AUTS2: variants seen among roughly 807,000 people sequenced by gnomAD.
The protein encoded by AUTS2 is activator of transcription and developmental regulator AUTS2.
Under a neutral mutation model 112.4 loss-of-function variants are expected in AUTS2, and 17 were observed. The observed-to-expected ratio is 0.15, with a 90% CI of 0.10 to 0.23. The LOEUF is 0.23. Ranked by LOEUF, AUTS2 falls within the 10% of genes least tolerant of loss-of-function variation. AUTS2 has a pLI of 1.00. For missense variants in AUTS2, 1,510 were observed against 1,701.6 expected (o/e 0.89, Z 1.98); for synonymous variants, 751 against 702.7 (o/e 1.07, Z -1.09).
At chr7:70,467,498 CAG>C (rs1174231624) in intron 5 of AUTS2, among the ~76,000 whole-genome samples, 2 of 152,188 alleles carry the variant, frequency 1.3e-5, no homozygotes, top group East Asian at 3.9e-4. Context: ...GGGAGAGAAA[CAG>C]ATGCCATATT....
intron 5 of AUTS2, among the ~76,000 whole-genome samples, chr7:70,676,309 G>T (rs577115309): frequency 6.6e-6 from 1 of 151,886 alleles, no homozygotes; most frequent in South Asian, 2.1e-4. Context: ...GTGCGTACCT[G>T]TAGCCCCAAC....
At chr7:69,998,878 G>A (rs938259511) in intron 2 of AUTS2, among the ~76,000 whole-genome samples, 1 of 152,114 alleles carries the variant, frequency 6.6e-6, no homozygotes. Context: ...ATGACGTTAA[G>A]CAAATGGTTG....
chr7:69,817,285 A>G (rs770160666), intron 1 of AUTS2, among the ~76,000 whole-genome samples: 6 of 152,240 alleles, frequency 3.9e-5, no homozygotes, highest in Non-Finnish European at 2.9e-5. Context: ...TTCGATTGCC[A>G]AGAACTCGGC....
At chr7:69,684,720 G>A (rs1796983751) in intron 1 of AUTS2, among the ~76,000 whole-genome samples, 1 of 152,200 alleles carries the variant, frequency 6.6e-6, no homozygotes, top group Middle Eastern at 3.2e-3. Flanking sequence ...TTAGCTTACT[G>A]TGGAATATGT....
At chr7:70,208,105 T>C (rs939562726) in intron 4 of AUTS2, among the ~76,000 whole-genome samples, 1 of 151,940 alleles carries the variant, frequency 6.6e-6, no homozygotes, top group Non-Finnish European at 1.5e-5. Flanking sequence ...ATCTGCTTTC[T>C]ACACATCTTT....
At chr7:69,865,776 A>G (rs1401428989) in intron 1 of AUTS2, among the ~76,000 whole-genome samples, 1 of 152,180 alleles carries the variant, frequency 6.6e-6, no homozygotes, top group Non-Finnish European at 1.5e-5. Context: ...TTATACAAAA[A>G]AGCCAGTAAT....
chr7:69,878,010 A>G (rs938247040), intron 1 of AUTS2, among the ~76,000 whole-genome samples: 15 of 152,302 alleles, frequency 9.8e-5, no homozygotes, highest in African/African-American at 3.6e-4. Context: ...AGAAGTGGCC[A>G]TGCCATAGAT....
At chr7:70,580,515 AAC>A (rs951139663) in intron 5 of AUTS2, among the ~76,000 whole-genome samples, 36 of 152,210 alleles carry the variant, frequency 2.4e-4, no homozygotes, top group African/African-American at 8.2e-4. Flanking sequence ...CCTGTGGAAA[AAC>A]AGTTCCGAAT....
At chr7:69,653,877 T>C (rs572594135) in intron 1 of AUTS2, among the ~76,000 whole-genome samples, 1 of 152,202 alleles carries the variant, frequency 6.6e-6, no homozygotes, top group East Asian at 1.9e-4. Flanking sequence ...TTGTTTCCAC[T>C]CTATGAAGAG....
chr7:70,102,596 T>A (rs1006169003), intron 2 of AUTS2, among the ~76,000 whole-genome samples: 2 of 152,102 alleles, frequency 1.3e-5, no homozygotes, highest in Admixed American at 6.5e-5. Context: ...TTAGCAGAGC[T>A]TTTTAAATAA....
chr7:69,959,591 C>T (rs1644837944), intron 2 of AUTS2, among the ~76,000 whole-genome samples: 2 of 152,102 alleles, frequency 1.3e-5, no homozygotes, highest in Admixed American at 6.6e-5. Flanking sequence ...TTCACTTTCT[C>T]GGATCATGAC....
chr7:70,584,712 C>G (rs987933893), intron 5 of AUTS2, among the ~76,000 whole-genome samples: 3 of 152,274 alleles, frequency 2.0e-5, no homozygotes, highest in Non-Finnish European at 4.4e-5. Flanking sequence ...ACCACAGGCC[C>G]CTGTTCCAGG....
At chr7:70,396,992 C>A (rs115062865) in intron 4 of AUTS2, among the ~76,000 whole-genome samples, 1 of 151,920 alleles carries the variant, frequency 6.6e-6, no homozygotes, top group Admixed American at 6.6e-5. Context: ...TTCCACCAAC[C>A]GTGTATAAGA....
intron 5 of AUTS2, among the ~76,000 whole-genome samples, chr7:70,501,272 C>T (rs1332128924): frequency 6.6e-6 from 1 of 152,098 alleles, no homozygotes; most frequent in African/African-American, 2.4e-5. Flanking sequence ...TGTGTGAGGA[C>T]TGGGAGAGTA....
chr7:69,684,676 T>C (rs996646936), intron 1 of AUTS2, among the ~76,000 whole-genome samples: 3 of 152,088 alleles, frequency 2.0e-5, no homozygotes, highest in Non-Finnish European at 4.4e-5. Context: ...TAATAGCAAA[T>C]GGGAAGAGTA....
At chr7:69,694,350 C>T (rs919077520) in intron 1 of AUTS2, among the ~76,000 whole-genome samples, 10 of 151,896 alleles carry the variant, frequency 6.6e-5, no homozygotes, top group African/African-American at 2.4e-4. Context: ...TTTTTATTTT[C>T]TTTACTGTTC....
At chr7:70,525,878 G>A (rs1799819672) in intron 5 of AUTS2, among the ~76,000 whole-genome samples, 1 of 152,220 alleles carries the variant, frequency 6.6e-6, no homozygotes, top group South Asian at 2.1e-4. Flanking sequence ...GACAGAGGCA[G>A]GAAACAGGAG....
chr7:70,669,351 G>A (rs1490357934), intron 5 of AUTS2, among the ~76,000 whole-genome samples: 1 of 152,172 alleles, frequency 6.6e-6, no homozygotes, highest in Non-Finnish European at 1.5e-5. Flanking sequence ...CATCCCTTCT[G>A]GTTATTCAGA....
chr7:69,959,577 G>A (rs925177271), intron 2 of AUTS2, among the ~76,000 whole-genome samples: 1 of 152,022 alleles, frequency 6.6e-6, no homozygotes, highest in Non-Finnish European at 1.5e-5. Context: ...GATTCGCCCA[G>A]GATTTCACTT....
Sources: gnomAD v4.1 joint callset for allele counts (sites outside exome capture counted in the v4.1 genomes callset) on GRCh38, gnomAD v4.1.1 for gene constraint, MANE v1.5 for transcripts, NCBI Gene and HGNC (gene_info 2026-07-23, HGNC 2026-07-21) for gene names.